CLMN: variants seen among roughly 807,000 people sequenced by gnomAD.
The protein encoded by CLMN is calmin (calponin-like, transmembrane).
Under a neutral mutation model 92.7 loss-of-function variants are expected in CLMN, and 57 were observed. That is an observed-to-expected ratio of 0.61 (90% CI 0.50 to 0.77). The LOEUF is 0.77. Among genes scored for constraint, CLMN ranks in the 30% least tolerant of loss-of-function variants. The probability of loss-of-function intolerance (pLI) is 0.00; values close to 1 mark genes in which losing one functional copy is unlikely to be tolerated. For synonymous variants in CLMN, 466 were observed against 470.6 expected (o/e 0.99, Z 0.13); for missense variants, 1,158 against 1,237.5 (o/e 0.94, Z 0.96).
intron 1 of CLMN, among the ~76,000 whole-genome samples, chr14:95,312,920 A>G (rs1400644121): frequency 1.3e-5 from 2 of 152,124 alleles, no homozygotes; most frequent in African/African-American, 2.4e-5. Context: ...AAATACACAT[A>G]CACGGCCAGG....
At chr14:95,208,707 T>C (rs1470800128) in intron 8 of CLMN, among the ~76,000 whole-genome samples, 2 of 152,230 alleles carry the variant, frequency 1.3e-5, no homozygotes, top group Non-Finnish European at 2.9e-5. Flanking sequence ...GCGGTTTTTC[T>C]TTCTGAGGTT....
intron 1 of CLMN, among the ~76,000 whole-genome samples, chr14:95,240,331 G>A (rs1272595422): frequency 6.6e-6 from 1 of 152,168 alleles, no homozygotes; most frequent in Non-Finnish European, 1.5e-5. Flanking sequence ...AGCCTCCTAT[G>A]CAGGGAATGG....
chr14:95,210,763 G>A lies in CLMN; in HGVS notation c.725C>T (p.Ser242Phe). ...AGCCTTCTCTAGATTTTCTCGTGTG[G>A]AATTTTCCAGGGCCTGTTTCATGTC... is the stretch of plus-strand genomic sequence containing the variant. ...LVDMKQALEN[S>F]TRENLEKAFS... The change falls in exon 7 of 13, where the codon TCC becomes TTC. Residue 242 changes from serine to phenylalanine, a missense_variant. Ser to Phe is a radical substitution (Grantham distance 155). Coordinates refer to ENST00000298912, the MANE Select transcript of CLMN (RefSeq NM_024734.4). 1 of 1,608,504 alleles carries A rather than the reference G, an allele frequency of 6.2e-7. No homozygotes were observed. Among genetic ancestry groups the A allele is most frequent in the Non-Finnish European group, 8.5e-7 (1 of 1,177,624 alleles).
chr14:95,271,065 T>A (rs1406067793), intron 1 of CLMN, among the ~76,000 whole-genome samples: 2 of 152,230 alleles, frequency 1.3e-5, no homozygotes, highest in African/African-American at 2.4e-5. Context: ...TGACTAATGA[T>A]GTTCAACATT....
Position 95,252,530 on chromosome 14 carries a change from T to C in CLMN, c.83-22397A>G, listed in dbSNP as rs561678417. 1.8e-4 allele frequency among the ~76,000 whole-genome samples: 27 copies of C among 152,314 alleles called. 1 individual carries two copies. Among genetic ancestry groups the C allele is most frequent in the African/African-American group, 6.0e-4 (25 of 41,580 alleles). The stretch of plus-strand genomic sequence containing the variant: ...AGACATCTGGTCTGCGCCCTTGGCT[T>C]CTGGTGGGTAATTTATGTCACATTT... On this transcript the variant is annotated intron_variant, in intron 1 of 12. Transcript: ENST00000298912.
chr14:95,282,083 T>A (rs2140741760), intron 1 of CLMN, among the ~76,000 whole-genome samples: 1 of 152,326 alleles, frequency 6.6e-6, no homozygotes, highest in African/African-American at 2.4e-5. Context: ...TGAGAACATG[T>A]CAATTGGGTT....
chr14:95,291,185 T>C (rs1303639329), intron 1 of CLMN, among the ~76,000 whole-genome samples: 2 of 152,222 alleles, frequency 1.3e-5, no homozygotes, highest in African/African-American at 2.4e-5. Flanking sequence ...TGGTTACTGA[T>C]GACAACATTC....
chr14:95,295,081 A>G (rs546652415), intron 1 of CLMN, among the ~76,000 whole-genome samples: 1 of 152,206 alleles, frequency 6.6e-6, no homozygotes, highest in Non-Finnish European at 1.5e-5. Flanking sequence ...ATCTCTGTAA[A>G]CAGCCTCTGC....
At chr14:95,260,807 A>C (rs1207907977) in intron 1 of CLMN, among the ~76,000 whole-genome samples, 1 of 152,198 alleles carries the variant, frequency 6.6e-6, no homozygotes, top group East Asian at 1.9e-4. Flanking sequence ...TGTCCAAATG[A>C]AATACAGTTG....
intron 1 of CLMN, among the ~76,000 whole-genome samples, chr14:95,267,736 C>G (rs1375080518): frequency 6.6e-6 from 1 of 152,226 alleles, no homozygotes; most frequent in African/African-American, 2.4e-5. Flanking sequence ...TTTATTTCAG[C>G]ACTATTCACA....
chr14:95,261,968 A>G (rs17091981), intron 1 of CLMN, among the ~76,000 whole-genome samples: 35,515 of 152,170 alleles, frequency 0.23, 5,322 homozygotes, highest in African/African-American at 0.42. Context: ...TTTTTCCTCC[A>G]AGCGGCAGCT....
intron 1 of CLMN, among the ~76,000 whole-genome samples, chr14:95,290,176 T>C (rs1027251558): frequency 1.3e-5 from 2 of 152,240 alleles, no homozygotes; most frequent in Non-Finnish European, 2.9e-5. Context: ...GCCACTCAGG[T>C]GCAATGGGTC....
At chr14:95,233,143 G>A (rs557087899) in intron 1 of CLMN, among the ~76,000 whole-genome samples, 8 of 152,196 alleles carry the variant, frequency 5.3e-5, no homozygotes, top group Non-Finnish European at 1.2e-4. Flanking sequence ...CAAACACTCA[G>A]GCTGGTTTCT....
intron 1 of CLMN, among the ~76,000 whole-genome samples, chr14:95,278,446 G>A (rs10467750): frequency 0.1 from 15,492 of 151,706 alleles, 919 homozygotes; most frequent in African/African-American, 0.15. Flanking sequence ...ATGCCCACAT[G>A]AGAGGACATA....
In CLMN at chr14:95,319,882, G is replaced by A. The variant is rs1240826937; in HGVS notation, c.-90C>T. 4.7e-6 allele frequency: 3 copies of A among 637,144 alleles called. No homozygotes were observed. The highest frequency in any genetic ancestry group is 5.7e-6 in the Non-Finnish European group (3 of 522,740). 39.5% of individuals were successfully genotyped at this position (637,144 alleles called of 1,614,324 possible). A position where few individuals can be genotyped will look rare whatever the true frequency, so the allele number is the denominator to read the frequency against. On this transcript the variant is annotated 5_prime_UTR_variant, in exon 1 of 13. Coordinates refer to ENST00000298912, the MANE Select transcript of CLMN (RefSeq NM_024734.4). ...CGGGCGCGCGAGCGGCACGCACCCG[G>A]CGAGGGCGCCGCGGAGCTGGAGTCG...
At chr14:95,269,878 C>G (rs2352993) in intron 1 of CLMN, among the ~76,000 whole-genome samples, 124 of 152,310 alleles carry the variant, frequency 8.1e-4, no homozygotes, top group Middle Eastern at 6.8e-3. Context: ...GCTCCTCCCC[C>G]ACCCCAATCC....
At chr14:95,237,623 C>T (rs765804020) in intron 1 of CLMN, among the ~76,000 whole-genome samples, 2 of 152,198 alleles carry the variant, frequency 1.3e-5, no homozygotes, top group Non-Finnish European at 2.9e-5. Context: ...GACCTTGGCA[C>T]CCATCTGCTC....
chr14:95,202,102 T>C (rs1896902101), intron 9 of CLMN, among the ~76,000 whole-genome samples: 1 of 152,204 alleles, frequency 6.6e-6, no homozygotes, highest in African/African-American at 2.4e-5. Context: ...TACCTCGTAA[T>C]GGGATTGGTG....
At chr14:95,245,188 AT>A (rs1898428249) in intron 1 of CLMN, among the ~76,000 whole-genome samples, 2 of 38,138 alleles carry the variant, frequency 5.2e-5, no homozygotes, top group African/African-American at 1.2e-4. Context: ...ATATATATAT[AT>A]ATATAATATA....
Sources: gnomAD v4.1 joint callset for allele counts (sites outside exome capture counted in the v4.1 genomes callset) on GRCh38, gnomAD v4.1.1 for gene constraint, MANE v1.5 for transcripts, NCBI Gene and HGNC (gene_info 2026-07-23, HGNC 2026-07-21) for gene names.